UBA52: variants seen among roughly 807,000 people sequenced by gnomAD.
The protein encoded by UBA52 is ubiquitin-ribosomal protein eL40 fusion protein.
Under a neutral mutation model 15.3 loss-of-function variants are expected in UBA52, and 1 was observed. The ratio of observed to expected loss-of-function variants is 0.07; its 90% CI spans 0.02 to 0.31. UBA52 has a LOEUF of 0.31. Among genes scored for constraint, UBA52 ranks in the 10% least tolerant of loss-of-function variants. The probability of loss-of-function intolerance (pLI) is 1.00; values close to 1 mark genes in which losing one functional copy is unlikely to be tolerated. For missense variants in UBA52, 87 were observed against 168.0 expected (o/e 0.52, Z 2.66); for synonymous variants, 50 against 58.3 (o/e 0.86, Z 0.65).
chr19:18,567,082 A>G, upstream of UBA52: 1 of 1,590,044 alleles, frequency 6.3e-7, no homozygotes, highest in African/African-American at 1.3e-5. Context: ...CACCAGGCCC[A>G]GCCTACCTGC....
In UBA52 at chr19:18,574,863, C is replaced by T. The variant is rs188555216; in HGVS notation, c.191-7C>T. The stretch of plus-strand genomic sequence containing the variant: ...TCAGTCGCCGTCCTTCTGGCTGTCT[C>T]CTGCAGAGTCCACCCTGCACCTGGT... On this transcript the variant is annotated splice_region_variant and splice_polypyrimidine_tract_variant and intron_variant, in intron 3 of 4. Coordinates refer to ENST00000442744, the MANE Select transcript of UBA52 (RefSeq NM_001033930.3). 6.2e-7 allele frequency: 1 copy of T among 1,612,968 alleles called. No homozygotes were observed. The highest frequency in any genetic ancestry group is 8.5e-7 in the Non-Finnish European group (1 of 1,179,996).
upstream of UBA52, among the ~76,000 whole-genome samples, chr19:18,570,269 T>G (rs1038812140): frequency 6.6e-6 from 1 of 150,714 alleles, no homozygotes; most frequent in East Asian, 2.0e-4. Flanking sequence ...GGCTGAATCA[T>G]GGGTCACTGC....
At chr19:18,568,754 TA>T, upstream of UBA52, 2 of 706,394 alleles carry the variant, frequency 2.8e-6, no homozygotes, top group Non-Finnish European at 4.7e-6. Flanking sequence ...CCAGGGCTCC[TA>T]GGGGGACAAG....
intron 1 of UBA52, chr19:18,572,621 C>T (rs1436156699): frequency 9.6e-6 from 2 of 208,516 alleles, no homozygotes; most frequent in Non-Finnish European, 1.7e-5. Flanking sequence ...TGAGCCCCTG[C>T]GCCCGGTCGA....
Position 18,576,934 on chromosome 19 carries a change from C to G in UBA52, c.*1784C>G, listed in dbSNP as rs1975809735. On this transcript the variant is annotated 3_prime_UTR_variant, in exon 5 of 5. Transcript: ENST00000442744. The stretch of plus-strand genomic sequence containing the variant: ...CTACCTGTCTTGGCCTTCCAAAGTG[C>G]TAGGATTACAAGCGTAAGCCACAGC... The G allele has an allele frequency of 6.7e-6, 1 of 148,832 alleles. No individual in the cohort carries two copies. Among genetic ancestry groups the G allele is most frequent in the African/African-American group, 2.5e-5 (1 of 40,512 alleles). The allele number at this position is 148,832 out of a possible 1,614,324, so 9.2% of individuals were successfully genotyped here.
chr19:18,565,043 A>G, the UBA52 span: 1 of 1,469,600 alleles, frequency 6.8e-7, no homozygotes, highest in South Asian at 1.1e-5. Flanking sequence ...GTGCCACCCC[A>G]GCCCAGCTGA....
chr19:18,568,241 T>C (rs1600599410), upstream of UBA52, among the ~76,000 whole-genome samples: 1 of 130,332 alleles, frequency 7.7e-6, no homozygotes, highest in Non-Finnish European at 1.6e-5. Flanking sequence ...CACTCTAGCC[T>C]GGGCAAAGAG....
chr19:18,576,884 T>C lies in UBA52; in HGVS notation c.*1734T>C, dbSNP rs552779843. On this transcript the variant is annotated 3_prime_UTR_variant, in exon 5 of 5. Coordinates refer to ENST00000442744, the MANE Select transcript of UBA52 (RefSeq NM_001033930.3). ...GGTTTTGCTATGTTGGCCAGGCTGG[T>C]CTTGAACTACTGACCTCTTGTGATC... The C allele has an allele frequency of 2.0e-5, 3 of 152,046 alleles. No individual in the cohort carries two copies. Among genetic ancestry groups the C allele is most frequent in the Admixed American group, 1.3e-4 (2 of 15,224 alleles). The allele number at this position is 152,046 out of a possible 1,614,324, so 9.4% of individuals were successfully genotyped here. A position where few individuals can be genotyped will look rare whatever the true frequency, so the allele number is the denominator to read the frequency against.
chr19:18,574,531 G>C (rs1975683093), intron 3 of UBA52, among the ~76,000 whole-genome samples: 2 of 152,110 alleles, frequency 1.3e-5, no homozygotes, highest in African/African-American at 4.8e-5. Context: ...TAGGATTACA[G>C]GCGTGAGCCA....
the UBA52 span, chr19:18,565,155 T>A: frequency 1.4e-6 from 2 of 1,462,216 alleles, no homozygotes; most frequent in Non-Finnish European, 1.8e-6. Flanking sequence ...CACTTAAGTG[T>A]CTGGGACAAT....
At chr19:18,568,807 A>G (rs896746001), upstream of UBA52, 6 of 598,588 alleles carry the variant, frequency 1.0e-5, no homozygotes, top group African/African-American at 9.3e-5. Flanking sequence ...GGGGTCTTTA[A>G]TTCTGGCTCC....
At chr19:18,570,781 G>A (rs569840532), upstream of UBA52, among the ~76,000 whole-genome samples, 1 of 151,528 alleles carries the variant, frequency 6.6e-6, no homozygotes, top group Non-Finnish European at 1.5e-5. Context: ...TCTGCCTCCC[G>A]GGTTCAAGCG....
At chr19:18,570,749 A>G (rs1975451976), upstream of UBA52, among the ~76,000 whole-genome samples, 1 of 136,512 alleles carries the variant, frequency 7.3e-6, no homozygotes, top group African/African-American at 2.8e-5. Context: ...GTGCAATGGC[A>G]CTCTCTCGGC....
chr19:18,570,111 C>T (rs908510595), upstream of UBA52, among the ~76,000 whole-genome samples: 3 of 152,160 alleles, frequency 2.0e-5, no homozygotes, highest in Non-Finnish European at 4.4e-5. Context: ...TATAGTAGTG[C>T]CTGCAAATGT....
upstream of UBA52, chr19:18,567,194 G>C (rs1224171405): frequency 1.9e-6 from 3 of 1,613,812 alleles, no homozygotes; most frequent in Non-Finnish European, 2.5e-6. Flanking sequence ...TGTCACGCAG[G>C]GTTCCTGCTC....
chr19:18,567,280 G>A (rs772847881), upstream of UBA52: 3 of 1,193,996 alleles, frequency 2.5e-6, no homozygotes, highest in Admixed American at 1.9e-5. Flanking sequence ...AGACCAGGCT[G>A]TAATGGGCAG....
chr19:18,572,670 T>A, intron 1 of UBA52: 1 of 423,898 alleles, frequency 2.4e-6, no homozygotes, highest in Non-Finnish European at 3.2e-6. Flanking sequence ...ATGTGAACAA[T>A]GCTTGGCAGG....
At chr19:18,573,163 C>G (rs535123504) in intron 1 of UBA52, 130 bp from the exon 2 acceptor site, 54 of 1,104,948 alleles carry the variant, frequency 4.9e-5, no homozygotes, top group Non-Finnish European at 6.2e-5. Context: ...GAAAGGAAGA[C>G]AGGTACTGGG....
upstream of UBA52, among the ~76,000 whole-genome samples, chr19:18,570,219 T>C (rs1014141916): frequency 3.3e-5 from 5 of 152,034 alleles, no homozygotes; most frequent in African/African-American, 7.2e-5. Flanking sequence ...TGTTTTGTTT[T>C]TGAGACAGCA....
Sources: gnomAD v4.1 joint callset for allele counts (sites outside exome capture counted in the v4.1 genomes callset) on GRCh38, gnomAD v4.1.1 for gene constraint, MANE v1.5 for transcripts, NCBI Gene and HGNC (gene_info 2026-07-23, HGNC 2026-07-21) for gene names.